Variants in ZNF860 observed in about 807,000 individuals in gnomAD.
ZNF860 encodes the protein zinc finger protein 860.
For synonymous variants in ZNF860, 206 were observed against 248.9 expected (o/e 0.83, Z 1.62); for missense variants, 641 against 759.2 (o/e 0.84, Z 1.83).
the ZNF860 span, among the ~76,000 whole-genome samples, chr3:32,003,449 C>T: frequency 6.6e-6 from 1 of 152,212 alleles, no homozygotes; most frequent in Admixed American, 6.5e-5. Context: ...TGAACCATCC[C>T]ATCCTGTTTC....
chr3:32,005,351 C>A, the ZNF860 span, among the ~76,000 whole-genome samples: 51 of 152,202 alleles, frequency 3.4e-4, no homozygotes, highest in African/African-American at 1.2e-3. Flanking sequence ...TTATCCATTC[C>A]CTGAGCAGTA....
the ZNF860 span, among the ~76,000 whole-genome samples, chr3:31,999,933 T>C: frequency 1.3e-5 from 2 of 152,158 alleles, no homozygotes; most frequent in African/African-American, 4.8e-5. Context: ...AGGGCCAAAA[T>C]GTTCATAAGA....
chr3:32,005,011 G>C, the ZNF860 span, among the ~76,000 whole-genome samples: 2 of 152,224 alleles, frequency 1.3e-5, no homozygotes, highest in East Asian at 3.9e-4. Context: ...AAATCATACA[G>C]AAGTGGTATC....
rs773473339 is a variant in ZNF860, at chr3:31,990,919, A to G, written c.1840A>G (p.Arg614Gly). 5 of 1,575,144 alleles carry G rather than the reference A, an allele frequency of 3.2e-6. No individual in the cohort carries two copies. In the Admixed American group the frequency reaches 7.4e-5, roughly 23 times the overall value. ...ACATTCACATCGCATTAGACATCAG[A>G]GAATCCATACCGGACAGAAATCTTA... ...TSHSHRIRHQRIHTGQKSYKC... is the reference protein window; with the variant it reads ...TSHSHRIRHQGIHTGQKSYKC... Residue 614 changes from arginine (R) to glycine (G), a missense_variant, in exon 2 of 2, where the codon AGA (arginine) becomes GGA (glycine). Transcript: ENST00000360311.
chr3:31,998,530 T>C, the ZNF860 span, among the ~76,000 whole-genome samples: 1 of 152,224 alleles, frequency 6.6e-6, no homozygotes, highest in African/African-American at 2.4e-5. Flanking sequence ...TGGAGATATT[T>C]CATTCTGTCA....
rs768628372 is a variant in ZNF860, at chr3:31,989,350, A to G, written c.271A>G (p.Arg91Gly). 2.5e-6 allele frequency: 4 copies of G among 1,614,248 alleles called. No individual in the cohort carries two copies. The highest frequency in any genetic ancestry group is 1.1e-5 in the South Asian group (1 of 91,088). The change falls in exon 2 of 2, where the codon AGA becomes GGA. Residue 91 changes from arginine to glycine, a missense_variant. Coordinates refer to ENST00000360311, the MANE Select transcript of ZNF860 (RefSeq NM_001137674.3). ...NTEVDTGTLERHESHHIGDFC... is the reference protein window; with the variant it reads ...NTEVDTGTLEGHESHHIGDFC... ...AGAAGTGGACACAGGGACATTAGAAAGACATGAAAGTCATCACATTGGAGA... is the reference window on the plus strand; with the variant it reads ...AGAAGTGGACACAGGGACATTAGAAGGACATGAAAGTCATCACATTGGAGA...
At chr3:31,994,372 G>A (rs1408037158), downstream of ZNF860, among the ~76,000 whole-genome samples, 1 of 152,150 alleles carries the variant, frequency 6.6e-6, no homozygotes, top group East Asian at 1.9e-4. Context: ...ACCAAAAATA[G>A]TGAAATTTAT....
downstream of ZNF860, among the ~76,000 whole-genome samples, chr3:31,994,550 A>C (rs7639637): frequency 0.35 from 52,691 of 151,898 alleles, 12,793 homozygotes; most frequent in African/African-American, 0.68. Flanking sequence ...TGCCAGCCTA[A>C]CTGCATGCCT....
the ZNF860 span, among the ~76,000 whole-genome samples, chr3:32,005,798 G>A: frequency 3.3e-5 from 5 of 151,910 alleles, no homozygotes; most frequent in Non-Finnish European, 5.9e-5. Flanking sequence ...CGTGTTAGCC[G>A]CATGGTCTCA....
the ZNF860 span, among the ~76,000 whole-genome samples, chr3:32,002,237 G>A: frequency 6.6e-6 from 1 of 152,052 alleles, no homozygotes; most frequent in Admixed American, 6.6e-5. Context: ...ATGAATTGCT[G>A]TCCACTCAAC....
chr3:32,006,066 T>A, the ZNF860 span, among the ~76,000 whole-genome samples: 1 of 152,076 alleles, frequency 6.6e-6, no homozygotes, highest in Non-Finnish European at 1.5e-5. Flanking sequence ...CACCTCAGCC[T>A]CCCAAGTAGC....
At chr3:31,992,765 A>G (rs1273986197), downstream of ZNF860, among the ~76,000 whole-genome samples, 1 of 152,256 alleles carries the variant, frequency 6.6e-6, no homozygotes, top group Non-Finnish European at 1.5e-5. Context: ...AGGCCAAGGC[A>G]GGAACATCAC....
In ZNF860 at chr3:31,988,925, C is replaced by A; in HGVS notation, c.-155C>A. On this transcript the variant is annotated 5_prime_UTR_variant, in exon 2 of 2. Coordinates refer to ENST00000360311, the MANE Select transcript of ZNF860 (RefSeq NM_001137674.3). ...CACCCAGCTGAAGTGCCTCCAAACC[C>A]CGACCCACAGCGACTGTGAGATAAT... 9.9e-7 allele frequency: 1 copy of A among 1,009,928 alleles called. No homozygotes were observed. 62.6% of individuals were successfully genotyped at this position (1,009,928 alleles called of 1,614,324 possible). A position where few individuals can be genotyped will look rare whatever the true frequency, so the allele number is the denominator to read the frequency against.
At chr3:32,001,627 G>C in the ZNF860 span, among the ~76,000 whole-genome samples, 7 of 152,106 alleles carry the variant, frequency 4.6e-5, no homozygotes, top group African/African-American at 1.7e-4. Context: ...AATTGGCATT[G>C]CTATGAGCAG....
In ZNF860 at chr3:31,990,035, G is replaced by A; in HGVS notation, c.956G>A (p.Cys319Tyr). 2 of 1,614,090 alleles carry A rather than the reference G, an allele frequency of 1.2e-6. No individual in the cohort carries two copies. The highest frequency in any genetic ancestry group is 8.5e-7 in the Non-Finnish European group (1 of 1,179,978). ...TGEKPYKCEE[C>Y]DKVFSRKSNL... The stretch of plus-strand genomic sequence containing the variant: ...GAGAAACCTTACAAATGTGAAGAAT[G>A]TGACAAAGTTTTTAGTCGCAAATCA... The change falls in exon 2 of 2, where the codon TGT (cysteine) becomes TAT (tyrosine). Residue 319 changes from cysteine to tyrosine, a missense_variant. Cys to Tyr is a radical substitution (Grantham distance 194). Transcript: ENST00000360311.
chr3:32,000,448 C>T, the ZNF860 span, among the ~76,000 whole-genome samples: 1 of 152,198 alleles, frequency 6.6e-6, no homozygotes, highest in South Asian at 2.1e-4. Flanking sequence ...GAAGATCACC[C>T]CACCACACCA....
In ZNF860 at chr3:31,989,087, GT is replaced by G. The variant is rs373566244; in HGVS notation, c.9del (p.Glu4ArgfsTer21). On this transcript the variant is annotated frameshift_variant, in exon 2 of 2. Coordinates refer to ENST00000360311, the MANE Select transcript of ZNF860 (RefSeq NM_001137674.3). LOFTEE classifies it low-confidence loss of function (END_TRUNC). ...ATTGATTTCTAAAGACTCATGTTAC[GT>G]GAGGAAGCAGCTCAGAAGAGGAAAG... ML[R>X]EEAAQKRKEK... is the part of the protein sequence containing the mutation. The G allele has an allele frequency of 4.4e-4, 705 of 1,614,136 alleles. 4 individuals are homozygous for G. The East Asian group carries it at 0.012, about 27-fold the overall frequency.
At chr3:32,001,837 A>G in the ZNF860 span, among the ~76,000 whole-genome samples, 1 of 152,164 alleles carries the variant, frequency 6.6e-6, no homozygotes, top group Non-Finnish European at 1.5e-5. Flanking sequence ...GCCCCACTCA[A>G]TTGAAATAAC....
At chr3:31,993,707 A>C (rs1699060309), downstream of ZNF860, among the ~76,000 whole-genome samples, 1 of 133,934 alleles carries the variant, frequency 7.5e-6, no homozygotes, top group Non-Finnish European at 1.6e-5. Flanking sequence ...CACACACACA[A>C]AACTGAGGAT....
Sources: gnomAD v4.1 joint callset for allele counts (sites outside exome capture counted in the v4.1 genomes callset) on GRCh38, gnomAD v4.1.1 for gene constraint, MANE v1.5 for transcripts, NCBI Gene and HGNC (gene_info 2026-07-23, HGNC 2026-07-21) for gene names.